Variants in TTC13 observed in about 807,000 individuals in gnomAD.
TTC13 encodes tetratricopeptide repeat domain 13.
TTC13 carries 62 observed loss-of-function variants against 120.0 expected under a neutral mutation model. The ratio of observed to expected loss-of-function variants is 0.52; its 90% CI spans 0.42 to 0.64. The LOEUF (loss-of-function observed/expected upper bound fraction) is 0.64, where lower values mean the gene tolerates loss of function less well. Among genes scored for constraint, TTC13 ranks in the 30% least tolerant of loss-of-function variants. The pLI, the probability that TTC13 is intolerant of heterozygous loss-of-function variation, is 0.00. For missense variants in TTC13, 824 were observed against 1,050.2 expected (o/e 0.78, Z 2.98); for synonymous variants, 384 against 393.5 (o/e 0.98, Z 0.28).
At chr1:230,913,551 C>A (rs1253647190) in intron 18 of TTC13, among the ~76,000 whole-genome samples, 1 of 152,106 alleles carries the variant, frequency 6.6e-6, no homozygotes, top group African/African-American at 2.4e-5. Flanking sequence ...GGCAGGGTCT[C>A]ACCATGTTGC....
chr1:230,942,669 T>C lies in TTC13; in HGVS notation c.672+1137A>G, dbSNP rs578014490. The stretch of plus-strand genomic sequence containing the variant: ...TTCAGACTAAATACATTAACACATA[T>C]GAAGCCTAGATAGCTTATTATTTTA... On this transcript the variant is annotated intron_variant, in intron 6 of 22. Coordinates refer to ENST00000366661, the MANE Select transcript of TTC13 (RefSeq NM_024525.5). This position sits in a 1 kb window ranked among gnomAD's most constrained non-coding sequence, Gnocchi z 4.0. 1.3e-5 allele frequency among the ~76,000 whole-genome samples: 2 copies of C among 152,334 alleles called. No individual in the cohort carries two copies. Among genetic ancestry groups the C allele is most frequent in the African/African-American group, 2.4e-5 (1 of 41,582 alleles).
At chr1:230,959,995 G>A (rs1347369664) in intron 2 of TTC13, among the ~76,000 whole-genome samples, 2 of 152,144 alleles carry the variant, frequency 1.3e-5, no homozygotes, top group Non-Finnish European at 2.9e-5. Flanking sequence ...AAAAGTCATG[G>A]TGCAGAGACC....
intron 16 of TTC13, 96 bp from the exon 17 acceptor site, chr1:230,920,690 A>G (rs1658512634): frequency 1.4e-6 from 1 of 708,886 alleles, no homozygotes; most frequent in Non-Finnish European, 2.2e-6. Context: ...ATTGACCTCA[A>G]TTTTGAGTAG....
At chr1:230,951,420 CA>C (rs1173445874) in intron 4 of TTC13, among the ~76,000 whole-genome samples, 1 of 151,092 alleles carries the variant, frequency 6.6e-6, no homozygotes, top group East Asian at 1.9e-4. Flanking sequence ...TCAAGAAAAC[CA>C]AAAATTCTGT....
At chr1:230,922,317 C>T (rs1672655530) in intron 15 of TTC13, among the ~76,000 whole-genome samples, 1 of 152,198 alleles carries the variant, frequency 6.6e-6, no homozygotes, top group Admixed American at 6.5e-5. Context: ...CACTACCACA[C>T]AGCTTTTGAG....
At chr1:230,954,513 C>G in intron 3 of TTC13, 110 bp from the exon 4 acceptor site, 1 of 784,214 alleles carries the variant, frequency 1.3e-6, no homozygotes, top group East Asian at 2.8e-5. Context: ...GCACTGGAAG[C>G]AGTTAAAGAA....
At chr1:230,931,218 G>A (rs572553710) in intron 11 of TTC13, 80 bp downstream of exon 11, 32 of 1,487,102 alleles carry the variant, frequency 2.2e-5, no homozygotes, top group South Asian at 8.9e-5. Context: ...TGTTTCATAC[G>A]AAACATAAAA....
rs146070406 is a variant in TTC13, at chr1:230,906,513, G to A, written c.*392C>T. 2 of 152,422 alleles carry A rather than the reference G, an allele frequency of 1.3e-5. No homozygotes were observed. The highest frequency in any genetic ancestry group is 2.9e-5 in the Non-Finnish European group (2 of 68,396). 9.4% of individuals were successfully genotyped at this position (152,422 alleles called of 1,614,324 possible). A position where few individuals can be genotyped will look rare whatever the true frequency, so the allele number is the denominator to read the frequency against. On this transcript the variant is annotated 3_prime_UTR_variant, in exon 23 of 23. Coordinates refer to ENST00000366661, the MANE Select transcript of TTC13 (RefSeq NM_024525.5). ...CTATCACAATGTGCGTAAAAAGCAAGTCTTTGAAAAATATCCAGATCTCTA... is the reference window on the plus strand; with the variant it reads ...CTATCACAATGTGCGTAAAAAGCAAATCTTTGAAAAATATCCAGATCTCTA...
Position 230,978,768 on chromosome 1 carries a change from G to T in TTC13, c.63C>A (p.Gly21=). Reference sequence around the variant, plus strand: ...GCAGCAGCAGGACACGCCGGGCGGCGCCCGCGGCGGCCACAGCGCCGCCCC... The same window carrying T: ...GCAGCAGCAGGACACGCCGGGCGGCTCCCGCGGCGGCCACAGCGCCGCCCC... ...CFWGGAVAAA[G]AARRVLLLLL... is the part of the protein sequence containing the mutation. Residue 21 remains glycine (G), a synonymous_variant, in exon 1 of 23, where the codon GGC becomes GGA. Transcript: ENST00000366661. This position sits in a 1 kb window ranked among gnomAD's most constrained non-coding sequence, Gnocchi z 5.6. The T allele has an allele frequency of 6.7e-7, 1 of 1,498,164 alleles. No homozygotes were observed. The highest frequency in any genetic ancestry group is 8.8e-7 in the Non-Finnish European group (1 of 1,133,174). The allele number at this position is 1,498,164 out of a possible 1,614,324, so 92.8% of individuals were successfully genotyped here.
intron 8 of TTC13, among the ~76,000 whole-genome samples, chr1:230,934,114 T>C (rs1464387993): frequency 6.6e-6 from 1 of 152,162 alleles, no homozygotes; most frequent in Non-Finnish European, 1.5e-5. Context: ...AGCTTTCCAT[T>C]TTATCTACTT....
intron 18 of TTC13, among the ~76,000 whole-genome samples, chr1:230,914,323 T>C (rs1486760217): frequency 6.6e-6 from 1 of 152,128 alleles, no homozygotes; most frequent in Non-Finnish European, 1.5e-5. Flanking sequence ...AACGTGAAGA[T>C]AGTAAGGATA....
intron 2 of TTC13, among the ~76,000 whole-genome samples, chr1:230,958,674 C>T (rs555538186): frequency 2.6e-5 from 4 of 152,300 alleles, no homozygotes; most frequent in Admixed American, 6.5e-5. Flanking sequence ...TTCACAGATG[C>T]AAAAGATTTT....
At chr1:230,935,778 A>G (rs1673992103) in intron 8 of TTC13, among the ~76,000 whole-genome samples, 1 of 152,172 alleles carries the variant, frequency 6.6e-6, no homozygotes, top group Non-Finnish European at 1.5e-5. Flanking sequence ...ACAGAAGGGA[A>G]TGGAGACAGG....
At chr1:230,935,518 G>C (rs1344840807) in intron 8 of TTC13, among the ~76,000 whole-genome samples, 1 of 152,164 alleles carries the variant, frequency 6.6e-6, no homozygotes, top group African/African-American at 2.4e-5. Context: ...TTGGAGAGGG[G>C]AAATAGTACT....
Position 230,911,454 on chromosome 1 carries a change from A to T in TTC13, c.2309+16T>A. On this transcript the variant is annotated intron_variant, in intron 20 of 22. Coordinates refer to ENST00000366661, the MANE Select transcript of TTC13 (RefSeq NM_024525.5). ...TTCTCAATTTAAAATAATTTTAATG[A>T]CAGGATATTACTTACCTGGATCCTC... 1.3e-6 allele frequency: 2 copies of T among 1,519,860 alleles called. No homozygotes were observed. The highest frequency in any genetic ancestry group is 4.6e-5 in the East Asian group (2 of 43,658). 94.1% of individuals were successfully genotyped at this position (1,519,860 alleles called of 1,614,324 possible). A position where few individuals can be genotyped will look rare whatever the true frequency, so the allele number is the denominator to read the frequency against.
At position 230,923,923 on chromosome 1, in the gene TTC13, G is replaced by T; in HGVS notation, c.1732C>A (p.Pro578Thr). The stretch of plus-strand genomic sequence containing the variant: ...TCTAACCACAGCACGGGCTGGTCTG[G>T]GTCAGCAATCCTATAAAACAGAGAC... ...IAVKWRRIADPDQPVLWLDQM... is the reference protein window; with the variant it reads ...IAVKWRRIADTDQPVLWLDQM... The change falls in exon 15 of 23, where the codon CCA becomes ACA. Residue 578 changes from proline to threonine, a missense_variant. By Grantham distance (38) the Pro-to-Thr change is conservative. Coordinates refer to ENST00000366661, the MANE Select transcript of TTC13 (RefSeq NM_024525.5). 6.2e-7 allele frequency: 1 copy of T among 1,613,202 alleles called. No individual in the cohort carries two copies. Among genetic ancestry groups the T allele is most frequent in the South Asian group, 1.1e-5 (1 of 90,962 alleles).
intron 1 of TTC13, among the ~76,000 whole-genome samples, chr1:230,965,825 A>AT (rs143937593): frequency 0.27 from 40,516 of 151,814 alleles, 5,790 homozygotes; most frequent in South Asian, 0.39. Context: ...TTTCATTTTT[A>AT]TTTTTTGTGG....
chr1:230,963,671 T>TAAATAAATAAAAAAAA (rs781569617), intron 1 of TTC13, among the ~76,000 whole-genome samples: 1 of 109,812 alleles, frequency 9.1e-6, no homozygotes, highest in Non-Finnish European at 2.0e-5. Context: ...AATAAATAAA[T>TAAATAAATAAAAAAAA]AAAAGAAAAA....
chr1:230,919,957 C>T (rs1169222349), intron 17 of TTC13, among the ~76,000 whole-genome samples: 1 of 152,186 alleles, frequency 6.6e-6, no homozygotes, highest in Non-Finnish European at 1.5e-5. Context: ...GGAGTGCTCA[C>T]ATTAACCCCT....
Sources: allele counts gnomAD v4.1 joint callset (sites outside exome capture counted in the v4.1 genomes callset), GRCh38; gene constraint gnomAD v4.1.1; non-coding constraint Gnocchi (gnomAD v3.1); transcripts MANE v1.5; gene names NCBI Gene and HGNC (gene_info 2026-07-23, HGNC 2026-07-21).